The following MIR2052HG variants were observed in gnomAD, a reference collection of about 807,000 sequenced individuals.
MIR2052HG encodes MIR2052 host gene.
chr8:74,615,385 C>T (rs1808265053), intron 2 of MIR2052HG, among the ~76,000 whole-genome samples: 1 of 152,236 alleles, frequency 6.6e-6, no homozygotes, highest in African/African-American at 2.4e-5. Context: ...GCTGAGTCCA[C>T]TGTGCCTCAT....
At chr8:74,673,106 T>G (rs1809010920) in intron 2 of MIR2052HG, among the ~76,000 whole-genome samples, 1 of 152,076 alleles carries the variant, frequency 6.6e-6, no homozygotes, top group Admixed American at 6.6e-5. Context: ...ACATAGCTTT[T>G]ATTGACAGGA....
intron 1 of MIR2052HG, among the ~76,000 whole-genome samples, chr8:74,601,790 C>T (rs1808004404): frequency 6.6e-6 from 1 of 152,104 alleles, no homozygotes; most frequent in African/African-American, 2.4e-5. Context: ...GCTGACTGTA[C>T]TTACTAATAC....
intron 2 of MIR2052HG, among the ~76,000 whole-genome samples, chr8:74,655,092 G>A (rs1164651543): frequency 6.6e-6 from 1 of 152,084 alleles, no homozygotes; most frequent in African/African-American, 2.4e-5. Context: ...ATGATTTAGG[G>A]TATCTGGTGA....
intron 1 of MIR2052HG, among the ~76,000 whole-genome samples, chr8:74,603,010 C>CCAAAA (rs1303642988): frequency 2.0e-4 from 28 of 137,496 alleles, no homozygotes; most frequent in East Asian, 4.1e-4. Flanking sequence ...AATTCATGAG[C>CCAAAA]CAAAACAAAA....
At chr8:74,653,469 G>A (rs546930885) in intron 2 of MIR2052HG, among the ~76,000 whole-genome samples, 1 of 152,268 alleles carries the variant, frequency 6.6e-6, no homozygotes, top group African/African-American at 2.4e-5. Flanking sequence ...TTCAGTGGGG[G>A]TGTTTGAGTT....
At chr8:74,604,777 A>G (rs975184078) in intron 1 of MIR2052HG, among the ~76,000 whole-genome samples, 3 of 151,524 alleles carry the variant, frequency 2.0e-5, no homozygotes, top group African/African-American at 7.3e-5. Context: ...TATTTTTAGT[A>G]GAGACGAGGT....
chr8:74,648,134 T>C (rs888325042), intron 2 of MIR2052HG, among the ~76,000 whole-genome samples: 2 of 152,178 alleles, frequency 1.3e-5, no homozygotes, highest in Admixed American at 6.6e-5. Flanking sequence ...CAGAAAGCTA[T>C]AGACAGATAT....
intron 4 of MIR2052HG, among the ~76,000 whole-genome samples, chr8:74,737,978 C>CTATG (rs572233517): frequency 0.019 from 2,886 of 151,484 alleles, 29 homozygotes; most frequent in Middle Eastern, 0.034. Context: ...TATCTATTAT[C>CTATG]TATGTATGTA....
intron 2 of MIR2052HG, among the ~76,000 whole-genome samples, chr8:74,702,035 G>GA (rs1328104023): frequency 1.3e-5 from 2 of 152,086 alleles, no homozygotes; most frequent in Admixed American, 6.6e-5. Flanking sequence ...CAGGATGCCA[G>GA]AACGGGTGTT....
intron 1 of MIR2052HG, among the ~76,000 whole-genome samples, chr8:74,601,800 C>T: frequency 6.6e-6 from 1 of 152,080 alleles, no homozygotes; most frequent in East Asian, 1.9e-4. Flanking sequence ...CTTACTAATA[C>T]CAGATTCTGA....
intron 4 of MIR2052HG, among the ~76,000 whole-genome samples, chr8:74,726,706 A>G (rs545156170): frequency 1.3e-5 from 2 of 152,346 alleles, no homozygotes; most frequent in Admixed American, 1.3e-4. Context: ...GACCAGGGAC[A>G]GGATATGTGG....
chr8:74,608,286 A>T (rs1808142202), intron 1 of MIR2052HG, among the ~76,000 whole-genome samples: 1 of 152,176 alleles, frequency 6.6e-6, no homozygotes, highest in Admixed American at 6.5e-5. Flanking sequence ...TGCATTTCTA[A>T]AGGGCTAAAT....
At chr8:74,707,096 A>G (rs1809418632) in intron 4 of MIR2052HG, among the ~76,000 whole-genome samples, 1 of 152,154 alleles carries the variant, frequency 6.6e-6, no homozygotes, top group African/African-American at 2.4e-5. Context: ...TAAGCCTGTG[A>G]TGCACAGTCA....
intron 2 of MIR2052HG, among the ~76,000 whole-genome samples, chr8:74,632,807 T>A (rs920722761): frequency 6.6e-6 from 1 of 152,124 alleles, no homozygotes; most frequent in Non-Finnish European, 1.5e-5. Context: ...GACAAACTTC[T>A]TATCTTGGCA....
At chr8:74,665,549 A>G (rs951948108) in intron 2 of MIR2052HG, among the ~76,000 whole-genome samples, 2 of 152,042 alleles carry the variant, frequency 1.3e-5, no homozygotes, top group Non-Finnish European at 2.9e-5. Flanking sequence ...CCTCCTTGCT[A>G]TTTACTTGCT....
intron 4 of MIR2052HG, among the ~76,000 whole-genome samples, chr8:74,747,092 C>G (rs1171202090): frequency 6.6e-6 from 1 of 152,090 alleles, no homozygotes; most frequent in Non-Finnish European, 1.5e-5. Context: ...TACATATACT[C>G]TAGATGTGAA....
At chr8:74,664,951 T>C (rs2128737383) in intron 2 of MIR2052HG, among the ~76,000 whole-genome samples, 1 of 152,356 alleles carries the variant, frequency 6.6e-6, no homozygotes, top group South Asian at 2.1e-4. Context: ...ATAGTGAACC[T>C]TCTAAGTATC....
chr8:74,603,898 C>A, intron 1 of MIR2052HG: 1 of 1,103,396 alleles, frequency 9.1e-7, no homozygotes, highest in South Asian at 1.2e-5. Flanking sequence ...CTTGCAACCA[C>A]CTTTTCCAAT....
intron 2 of MIR2052HG, among the ~76,000 whole-genome samples, chr8:74,691,835 G>C (rs866233318): frequency 6.6e-6 from 1 of 152,164 alleles, no homozygotes; most frequent in Non-Finnish European, 1.5e-5. Context: ...CCTGTGTGAA[G>C]TTTTCCCATA....
Sources: allele counts gnomAD v4.1 joint callset (sites outside exome capture counted in the v4.1 genomes callset), GRCh38; gene constraint gnomAD v4.1.1; transcripts MANE v1.5; gene names NCBI Gene and HGNC (gene_info 2026-07-23, HGNC 2026-07-21).